ANKS1B: variants seen among roughly 807,000 people sequenced by gnomAD.
ANKS1B encodes the protein ankyrin repeat and sterile alpha motif domain containing 1B, also known as ankyrin repeat and sterile alpha motif domain-containing protein 1B.
ANKS1B carries 36 observed loss-of-function variants against 148.3 expected under a neutral mutation model. That is an observed-to-expected ratio of 0.24 (90% CI 0.19 to 0.32). The LOEUF (loss-of-function observed/expected upper bound fraction) is 0.32. ANKS1B is among the 10% of genes least tolerant of loss of function. ANKS1B has a pLI of 1.00. For synonymous variants in ANKS1B, 542 were observed against 560.8 expected (o/e 0.97, Z 0.47); for missense variants, 1,157 against 1,542.6 (o/e 0.75, Z 4.19).
intron 17 of ANKS1B, among the ~76,000 whole-genome samples, chr12:99,010,613 C>A (rs2099938765): frequency 6.6e-6 from 1 of 151,820 alleles, no homozygotes; most frequent in Admixed American, 6.6e-5. Flanking sequence ...AGAATCTGGC[C>A]CAAGGTAATA....
intron 12 of ANKS1B, among the ~76,000 whole-genome samples, chr12:99,297,736 G>A (rs1188476316): frequency 1.3e-5 from 2 of 152,002 alleles, no homozygotes; most frequent in East Asian, 1.9e-4. Context: ...CCCCTTCCAA[G>A]TGACTCACAG....
intron 8 of ANKS1B, among the ~76,000 whole-genome samples, chr12:99,683,008 G>A (rs1312172496): frequency 2.6e-5 from 4 of 152,222 alleles, no homozygotes; most frequent in East Asian, 1.9e-4. Context: ...TGACATACAC[G>A]TCATACATGG....
chr12:99,812,099 C>A, intron 3 of ANKS1B, 56 bp downstream of exon 3: 1 of 1,566,612 alleles, frequency 6.4e-7, no homozygotes, highest in Non-Finnish European at 8.7e-7. Context: ...TTCAATATGG[C>A]TTTGCCTTGT....
intron 12 of ANKS1B, among the ~76,000 whole-genome samples, chr12:99,273,826 C>T (rs1348822123): frequency 2.6e-5 from 4 of 151,966 alleles, no homozygotes; most frequent in Non-Finnish European, 5.9e-5. Flanking sequence ...ACCTCATAAT[C>T]CACCTGCCTC....
chr12:99,862,553 T>C (rs1565882478), intron 1 of ANKS1B, among the ~76,000 whole-genome samples: 1 of 152,264 alleles, frequency 6.6e-6, no homozygotes, highest in Non-Finnish European at 1.5e-5. Context: ...TATCATGTTT[T>C]GTATGATGCT....
intron 1 of ANKS1B, among the ~76,000 whole-genome samples, chr12:99,879,316 T>C (rs2092337062): frequency 6.6e-6 from 1 of 152,212 alleles, no homozygotes; most frequent in African/African-American, 2.4e-5. Context: ...CTCACCATTA[T>C]GCAGATCACT....
chr12:99,904,620 C>T (rs2093717625), intron 1 of ANKS1B, among the ~76,000 whole-genome samples: 1 of 152,232 alleles, frequency 6.6e-6, no homozygotes, highest in South Asian at 2.1e-4. Context: ...ATATGCACTA[C>T]AGTTAAGACT....
chr12:99,700,063 T>A (rs1333088041), intron 8 of ANKS1B, among the ~76,000 whole-genome samples: 1 of 152,228 alleles, frequency 6.6e-6, no homozygotes, highest in Non-Finnish European at 1.5e-5. Flanking sequence ...AATTTTTTAA[T>A]GTATTTGTGA....
chr12:98,896,642 C>G (rs2099765058), intron 17 of ANKS1B, among the ~76,000 whole-genome samples: 1 of 152,232 alleles, frequency 6.6e-6, no homozygotes, highest in East Asian at 1.9e-4. Flanking sequence ...GTCTAATTCA[C>G]TTGCTATACA....
At chr12:99,316,515 GTTGT>G (rs1375458912) in intron 12 of ANKS1B, among the ~76,000 whole-genome samples, 2 of 152,102 alleles carry the variant, frequency 1.3e-5, no homozygotes, top group African/African-American at 4.8e-5. Flanking sequence ...TTTTGATGGG[GTTGT>G]TTGATTTTTT....
At chr12:98,794,264 C>T (rs534324167) in intron 22 of ANKS1B, among the ~76,000 whole-genome samples, 15 of 151,756 alleles carry the variant, frequency 9.9e-5, no homozygotes, top group South Asian at 2.1e-4. Flanking sequence ...TGGTGGCAGG[C>T]GCCTGTAACC....
At chr12:99,938,095 C>G (rs984453340) in intron 1 of ANKS1B, among the ~76,000 whole-genome samples, 2 of 152,094 alleles carry the variant, frequency 1.3e-5, no homozygotes, top group Non-Finnish European at 2.9e-5. Flanking sequence ...GCAAAGGTGA[C>G]ACGACAGATG....
chr12:99,137,422 G>A (rs1361276131), intron 15 of ANKS1B, among the ~76,000 whole-genome samples: 1 of 152,190 alleles, frequency 6.6e-6, no homozygotes, highest in Non-Finnish European at 1.5e-5. Flanking sequence ...AGAGAGAGGA[G>A]AACTGCAATG....
intron 14 of ANKS1B, among the ~76,000 whole-genome samples, chr12:99,183,791 C>A (rs545609584): frequency 3.3e-5 from 5 of 152,136 alleles, no homozygotes; most frequent in Admixed American, 2.6e-4. Context: ...AAGGGTTATA[C>A]GGCATTGATG....
intron 22 of ANKS1B, among the ~76,000 whole-genome samples, chr12:98,791,434 T>G (rs2098850437): frequency 6.6e-6 from 1 of 152,184 alleles, no homozygotes; most frequent in Non-Finnish European, 1.5e-5. Context: ...GGCATTGCGA[T>G]TCAATAGACA....
intron 1 of ANKS1B, among the ~76,000 whole-genome samples, chr12:99,968,137 A>T (rs1334869325): frequency 6.6e-6 from 1 of 152,176 alleles, no homozygotes; most frequent in Non-Finnish European, 1.5e-5. Flanking sequence ...TCTAAGGACA[A>T]ACTGCCTGGT....
At chr12:99,193,544 C>T (rs1052834170) in intron 14 of ANKS1B, among the ~76,000 whole-genome samples, 10 of 152,068 alleles carry the variant, frequency 6.6e-5, no homozygotes, top group Non-Finnish European at 1.3e-4. Context: ...TCTGAAGGCT[C>T]TTGTGTCATG....
At chr12:99,491,495 A>T (rs547165953) in intron 10 of ANKS1B, among the ~76,000 whole-genome samples, 195 of 152,138 alleles carry the variant, frequency 1.3e-3, no homozygotes, top group Non-Finnish European at 2.2e-3. Flanking sequence ...CAAGTACTAA[A>T]CCTAGTATCC....
intron 8 of ANKS1B, among the ~76,000 whole-genome samples, chr12:99,694,995 G>A (rs190254851): frequency 3.3e-5 from 5 of 152,216 alleles, no homozygotes; most frequent in African/African-American, 1.2e-4. Context: ...TACTTAGAAA[G>A]CTCTGAAATT....
Sources: allele counts gnomAD v4.1 joint callset (sites outside exome capture counted in the v4.1 genomes callset), GRCh38; gene constraint gnomAD v4.1.1; transcripts MANE v1.5; gene names NCBI Gene and HGNC (gene_info 2026-07-23, HGNC 2026-07-21).